LRRK1: variants seen among roughly 807,000 people sequenced by gnomAD.
LRRK1 encodes the protein leucine-rich repeat serine/threonine-protein kinase 1.
Under a neutral mutation model 209.1 loss-of-function variants are expected in LRRK1, and 113 were observed. The ratio of observed to expected loss-of-function variants is 0.54; its 90% CI spans 0.46 to 0.63. LRRK1 has a LOEUF of 0.63. Ranked by LOEUF, LRRK1 falls within the 30% of genes least tolerant of loss-of-function variation. The pLI is 0.00. For missense variants in LRRK1, 2,284 were observed against 2,632.2 expected (o/e 0.87, Z 2.89); for synonymous variants, 1,144 against 1,099.7 (o/e 1.04, Z -0.80).
At position 101,061,261 on chromosome 15, in the gene LRRK1, CCA is replaced by C. The variant is rs1237517911; in HGVS notation, c.4771_4772del (p.Gln1591GlufsTer46). ...TGAAGGTGAGCTGCCAGCTCCAGGT[CCA>C]GAGATCCCTGTGGACAGCCACCGAG... ...GMKVSCQLQV[Q>X]RSLWTATEDQ... On this transcript the variant is annotated frameshift_variant, in exon 30 of 34. Transcript: ENST00000388948. LOFTEE classifies it high-confidence loss of function. The C allele has an allele frequency of 1.2e-6, 2 of 1,613,842 alleles. No individual in the cohort carries two copies. The highest frequency in any genetic ancestry group is 1.3e-5 in the African/African-American group (1 of 74,914).
In LRRK1 at chr15:101,029,257, G is replaced by A. The variant is rs765609554; in HGVS notation, c.2963+25G>A. On this transcript the variant is annotated intron_variant, in intron 20 of 33. Transcript: ENST00000388948. ...GGTGAGGACACAACTTAACACGCCAGGCTGTGCAGGTTGCTCCCCGAAAGA... is the reference window on the plus strand; with the variant it reads ...GGTGAGGACACAACTTAACACGCCAAGCTGTGCAGGTTGCTCCCCGAAAGA... 1.9e-6 allele frequency: 3 copies of A among 1,585,366 alleles called. No homozygotes were observed. The Admixed American group carries it at 5.2e-5, about 27-fold the overall frequency.
chr15:100,950,312 A>T (rs1432472124), intron 2 of LRRK1, among the ~76,000 whole-genome samples: 2 of 152,258 alleles, frequency 1.3e-5, no homozygotes, highest in African/African-American at 4.8e-5. Context: ...ATACACCAAA[A>T]ACTGCAAAAC....
intron 6 of LRRK1, among the ~76,000 whole-genome samples, chr15:100,992,730 G>A (rs1363845114): frequency 2.0e-5 from 3 of 152,042 alleles, no homozygotes; most frequent in African/African-American, 2.4e-5. Context: ...GTGCAATGGC[G>A]TGGTCTCAGC....
chr15:100,943,250 T>TG lies in LRRK1; in HGVS notation c.97+18521_97+18522insG, dbSNP rs199669662. The stretch of plus-strand genomic sequence containing the variant: ...TGCTGAGTCATTGTTTTCTGCCTTT[T>TG]TAATAAAAATTAATTCAGTGATTTA... On this transcript the variant is annotated intron_variant, in intron 2 of 33. Transcript: ENST00000388948. 5.8e-4 allele frequency among the ~76,000 whole-genome samples: 89 copies of TG among 152,346 alleles called. 3 individuals are homozygous for TG. In the East Asian group the frequency reaches 0.013, roughly 23 times the overall value.
chr15:100,972,317 GATATAT>G (rs140979590), intron 2 of LRRK1, among the ~76,000 whole-genome samples: 3 of 77,464 alleles, frequency 3.9e-5, no homozygotes, highest in Non-Finnish European at 8.5e-5. Flanking sequence ...TGTAATTTGG[GATATAT>G]ATATATATAT....
At chr15:101,005,538 C>T (rs781111654) in intron 6 of LRRK1, among the ~76,000 whole-genome samples, 5 of 152,202 alleles carry the variant, frequency 3.3e-5, no homozygotes, top group Non-Finnish European at 7.3e-5. Flanking sequence ...CATCAATGGG[C>T]TGAAAAGCAG....
At chr15:100,973,454 G>A (rs1178897759) in intron 2 of LRRK1, among the ~76,000 whole-genome samples, 3 of 152,190 alleles carry the variant, frequency 2.0e-5, no homozygotes, top group African/African-American at 4.8e-5. Flanking sequence ...GCTGAGACCC[G>A]CGGCTCTCTC....
rs1458737502 is a variant in LRRK1, at chr15:101,027,913, T to TGCCTTCCA, written c.2686+117_2686+124dup. 2.5e-4 allele frequency: 234 copies of TGCCTTCCA among 939,564 alleles called. 2 individuals are homozygous for TGCCTTCCA. The East Asian group carries it at 6.3e-3, about 25-fold the overall frequency. 58.2% of individuals were successfully genotyped at this position (939,564 alleles called of 1,614,324 possible). On this transcript the variant is annotated intron_variant, in intron 19 of 33. Coordinates refer to ENST00000388948, the MANE Select transcript of LRRK1 (RefSeq NM_024652.6). This position sits in a 1 kb window ranked among gnomAD's most constrained non-coding sequence, Gnocchi z 5.1. ...GAGACCGACACCCAGCCTGCGTTTC[T>TGCCTTCCA]GCCTTCCATCCCCCTCCCCTTCCTT...
intron 20 of LRRK1, among the ~76,000 whole-genome samples, chr15:101,036,253 A>G (rs1115146): frequency 0.11 from 16,120 of 152,206 alleles, 1,343 homozygotes; most frequent in East Asian, 0.44. Context: ...ATGGTGTCCC[A>G]TATATCACTC....
rs7169960 is a variant in LRRK1 at position 100,978,090 on chromosome 15, T to G, written c.261+4123T>G. On this transcript the variant is annotated intron_variant, in intron 3 of 33. Coordinates refer to ENST00000388948, the MANE Select transcript of LRRK1 (RefSeq NM_024652.6). The stretch of plus-strand genomic sequence containing the variant: ...AGTACAATACCTGAAATTTTAAAAT[T>G]AAAAAAAAACTCAATGAATGGGCTC... 6.6e-5 allele frequency among the ~76,000 whole-genome samples: 10 copies of G among 151,448 alleles called. No individual in the cohort carries two copies. The East Asian group carries it at 1.2e-3, about 18-fold the overall frequency.
chr15:100,942,069 T>G (rs1367855325), intron 2 of LRRK1, among the ~76,000 whole-genome samples: 1 of 152,246 alleles, frequency 6.6e-6, no homozygotes, highest in Non-Finnish European at 1.5e-5. Flanking sequence ...TAATAATTTC[T>G]AAGGATTTGG....
rs762344317 is a variant in LRRK1, at chr15:101,065,746, A to G, written c.5309A>G (p.Gln1770Arg). ...GTGATGTACCACTCCACCACCTACC[A>G]GCTGTGTGCCCGGTACTTCTGCGGG... Reference protein sequence around the residue: ...SLVMYHSTTYQLCARYFCGVP... With the variant: ...SLVMYHSTTYRLCARYFCGVP... The change falls in exon 32 of 34, where the codon CAG (glutamine) becomes CGG (arginine). Residue 1770 changes from glutamine (Q) to arginine (R), a missense_variant. Coordinates refer to ENST00000388948, the MANE Select transcript of LRRK1 (RefSeq NM_024652.6). The G allele has an allele frequency of 8.7e-6, 14 of 1,614,008 alleles. No homozygotes were observed. Among genetic ancestry groups the G allele is most frequent in the Non-Finnish European group, 1.2e-5 (14 of 1,180,028 alleles).
intron 33 of LRRK1, among the ~76,000 whole-genome samples, chr15:101,066,970 G>C (rs1322219264): frequency 2.0e-5 from 3 of 152,212 alleles, no homozygotes; most frequent in African/African-American, 7.2e-5. Context: ...TGCACCTGTA[G>C]ATCAAGTACC....
chr15:101,066,897 GC>G (rs2036559589), intron 33 of LRRK1, among the ~76,000 whole-genome samples, 156 bp downstream of exon 33: 1 of 152,232 alleles, frequency 6.6e-6, no homozygotes, highest in Non-Finnish European at 1.5e-5. Flanking sequence ...ACAAGATGGG[GC>G]CCCTCAGACA....
At position 101,014,520 on chromosome 15, in the gene LRRK1, G is replaced by C. The variant is rs954695886; in HGVS notation, c.1532+92G>C. 5 of 831,994 alleles carry C rather than the reference G, an allele frequency of 6.0e-6. No homozygotes were observed. The East Asian group carries it at 7.7e-5, about 13-fold the overall frequency. 51.5% of individuals were successfully genotyped at this position (831,994 alleles called of 1,614,324 possible). A position where few individuals can be genotyped will look rare whatever the true frequency, so the allele number is the denominator to read the frequency against. On this transcript the variant is annotated intron_variant, in intron 11 of 33. Coordinates refer to ENST00000388948, the MANE Select transcript of LRRK1 (RefSeq NM_024652.6). ...TCTGAATGGTGGCATGTGAGTCTGC[G>C]AGGGCTGCTGAGCCGCCAGCTGGGG...
At position 100,988,480 on chromosome 15, in the gene LRRK1, A is replaced by G. The variant is rs1207587635; in HGVS notation, c.434-154A>G. 5.4e-6 allele frequency: 4 copies of G among 735,580 alleles called. No individual in the cohort carries two copies. In the African/African-American group the frequency reaches 6.9e-5, roughly 13 times the overall value. 45.6% of individuals were successfully genotyped at this position (735,580 alleles called of 1,614,324 possible). On this transcript the variant is annotated intron_variant, in intron 4 of 33. Coordinates refer to ENST00000388948, the MANE Select transcript of LRRK1 (RefSeq NM_024652.6). ...ATGATGCTGCAAAGTACATGATCTCATTCTTTTTTATGGCTGTATAGTATT... is the reference window on the plus strand; with the variant it reads ...ATGATGCTGCAAAGTACATGATCTCGTTCTTTTTTATGGCTGTATAGTATT...
At chr15:100,929,460 T>C (rs776710729) in intron 2 of LRRK1, among the ~76,000 whole-genome samples, 6 of 152,224 alleles carry the variant, frequency 3.9e-5, no homozygotes, top group Non-Finnish European at 8.8e-5. Flanking sequence ...TTTTCTCCTT[T>C]GGCTTTTGCG....
Position 101,065,758 on chromosome 15 carries a change from G to A in LRRK1, c.5321G>A (p.Arg1774Gln), listed in dbSNP as rs201726240. The change falls in exon 32 of 34, where the codon CGG becomes CAG. Residue 1774 changes from arginine to glutamine, a missense_variant. Coordinates refer to ENST00000388948, the MANE Select transcript of LRRK1 (RefSeq NM_024652.6). ...YHSTTYQLCA[R>Q]YFCGVPSPLR... ...TCCACCACCTACCAGCTGTGTGCCC[G>A]GTACTTCTGCGGGGTCCCCAGCCCC... 184 of 1,614,082 alleles carry A rather than the reference G, an allele frequency of 1.1e-4. No individual in the cohort carries two copies. Among genetic ancestry groups the A allele is most frequent in the Non-Finnish European group, 2.3e-5 (27 of 1,180,022 alleles).
At chr15:100,974,118 G>A (rs1053223855) in intron 3 of LRRK1, 151 bp downstream of exon 3, 2 of 614,208 alleles carry the variant, frequency 3.3e-6, no homozygotes, top group Admixed American at 4.4e-5. Flanking sequence ...ACTTGTGGGC[G>A]CCTTTCCTTT....
Sources: gnomAD v4.1 joint callset for allele counts (sites outside exome capture counted in the v4.1 genomes callset) on GRCh38, gnomAD v4.1.1 for gene constraint, Gnocchi (gnomAD v3.1) non-coding constraint, MANE v1.5 for transcripts, NCBI Gene and HGNC (gene_info 2026-07-23, HGNC 2026-07-21) for gene names.